MARCHF1: variants seen among roughly 807,000 people sequenced by gnomAD.
MARCHF1 encodes the protein membrane associated ring-CH-type finger 1, also known as E3 ubiquitin-protein ligase MARCHF1.
Under a neutral mutation model 54.2 loss-of-function variants are expected in MARCHF1, and 40 were observed. That is an observed-to-expected ratio of 0.74 (90% confidence interval 0.57 to 0.96). The LOEUF is 0.96. Among genes scored for constraint, MARCHF1 ranks in the 40% least tolerant of loss-of-function variants. MARCHF1 has a pLI of 0.00. For missense variants in MARCHF1, 586 were observed against 656.5 expected (o/e 0.89, Z 1.17); for synonymous variants, 236 against 236.3 (o/e 1.00, Z 0.01).
chr4:163,671,860 C>A (rs947505435), intron 5 of MARCHF1, among the ~76,000 whole-genome samples: 2 of 151,900 alleles, frequency 1.3e-5, no homozygotes, highest in East Asian at 3.9e-4. Flanking sequence ...TAAAAGAGAA[C>A]AGGAAGTATG....
intron 5 of MARCHF1, among the ~76,000 whole-genome samples, chr4:163,684,975 C>T (rs903568320): frequency 6.6e-6 from 1 of 152,198 alleles, no homozygotes; most frequent in African/African-American, 2.4e-5. Context: ...AAGTACACCT[C>T]ATTCCTAAAT....
chr4:164,342,724 T>C (rs1156368236), intron 1 of MARCHF1, among the ~76,000 whole-genome samples: 1 of 152,002 alleles, frequency 6.6e-6, no homozygotes, highest in Admixed American at 6.6e-5. Flanking sequence ...AAAGTGTCTA[T>C]TGATGAATGG....
intron 1 of MARCHF1, among the ~76,000 whole-genome samples, chr4:164,128,295 C>T (rs1414307574): frequency 6.6e-6 from 1 of 151,944 alleles, no homozygotes; most frequent in Admixed American, 6.6e-5. Flanking sequence ...ACATAATCAC[C>T]TGTATATTTA....
intron 1 of MARCHF1, among the ~76,000 whole-genome samples, chr4:164,200,018 T>C (rs1731411094): frequency 6.6e-6 from 1 of 152,214 alleles, no homozygotes; most frequent in Non-Finnish European, 1.5e-5. Context: ...CAATCTTTAG[T>C]TGCCTTTGGT....
At chr4:163,568,115 C>T (rs549864611) in intron 8 of MARCHF1, among the ~76,000 whole-genome samples, 3 of 152,180 alleles carry the variant, frequency 2.0e-5, no homozygotes, top group African/African-American at 7.2e-5. Flanking sequence ...CCATTTCTCC[C>T]TCGCATTTCC....
chr4:164,041,328 T>C lies in MARCHF1; in HGVS notation c.-247-52619A>G, dbSNP rs375224526. ...AAATATCCCCCTCTTTCAACCACCA[T>C]AGCATTATATCTAGACTTTTTATTA... On this transcript the variant is annotated intron_variant, in intron 2 of 9. Transcript: ENST00000514618. Among the ~76,000 whole-genome samples the C allele has an allele frequency of 5.9e-5, 9 of 152,268 alleles. No individual in the cohort carries two copies. In the East Asian group the frequency reaches 1.5e-3, roughly 26 times the overall value.
rs140567238 is a variant in MARCHF1, at chr4:163,995,102, T to C, written c.-247-6393A>G. On this transcript the variant is annotated intron_variant, in intron 2 of 9. Coordinates refer to ENST00000514618, the MANE Select transcript of MARCHF1 (RefSeq NM_001394959.1). ...TTCAGGGCTCAGTCTCACCAGACTG[T>C]CCCCCAACCTTCAGACACCAGTCAC... Among the ~76,000 whole-genome samples, 479 of 152,048 alleles carry C rather than the reference T, an allele frequency of 3.2e-3. 3 individuals carry two copies. Among genetic ancestry groups the C allele is most frequent in the African/African-American group, 0.011 (461 of 41,482 alleles).
intron 3 of MARCHF1, among the ~76,000 whole-genome samples, chr4:163,945,237 A>AT (rs955814062): frequency 9.3e-5 from 14 of 151,218 alleles, no homozygotes; most frequent in South Asian, 2.1e-4. Flanking sequence ...CAGACATGGT[A>AT]TTTTTTTTTC....
chr4:163,798,743 G>T (rs950014310), intron 4 of MARCHF1, among the ~76,000 whole-genome samples: 1 of 152,038 alleles, frequency 6.6e-6, no homozygotes, highest in African/African-American at 2.4e-5. Context: ...CAAAGAAAAA[G>T]AGTGACAGCA....
intron 4 of MARCHF1, among the ~76,000 whole-genome samples, chr4:163,790,951 C>G (rs1301071849): frequency 6.6e-6 from 1 of 152,088 alleles, no homozygotes; most frequent in African/African-American, 2.4e-5. Flanking sequence ...CAATAACGCA[C>G]TTACCATGTT....
rs137898140 is a variant in MARCHF1, at chr4:164,139,401, A to G, written c.-322-27739T>C. Among the ~76,000 whole-genome samples the G allele has an allele frequency of 7.9e-4, 121 of 152,290 alleles. 1 individual carries two copies. In the East Asian group the frequency reaches 0.013, roughly 16 times the overall value. The stretch of plus-strand genomic sequence containing the variant: ...CCTTTTCATGTAAGAAATGTTGACA[A>G]TCTAACAGCTAGTGACTTCCTGTAT... On this transcript the variant is annotated intron_variant, in intron 1 of 9. Coordinates refer to ENST00000514618, the MANE Select transcript of MARCHF1 (RefSeq NM_001394959.1).
chr4:163,979,169 C>T lies in MARCHF1; in HGVS notation c.-39+9332G>A, dbSNP rs1166035058. On this transcript the variant is annotated intron_variant, in intron 3 of 9. Coordinates refer to ENST00000514618, the MANE Select transcript of MARCHF1 (RefSeq NM_001394959.1). ...TATATCTCCCAATGCTATCCCCCCC[C>T]CTCCCCCCACCCCACCACAGTCCCC... 1.0e-4 allele frequency among the ~76,000 whole-genome samples: 6 copies of T among 59,404 alleles called. 1 individual carries two copies. Among genetic ancestry groups the T allele is most frequent in the Non-Finnish European group, 1.6e-4 (5 of 30,778 alleles). 39.0% of individuals were successfully genotyped at this position (59,404 alleles called of 152,430 possible).
At position 163,955,225 on chromosome 4, in the gene MARCHF1, A is replaced by G. The variant is rs566718080; in HGVS notation, c.-39+33276T>C. On this transcript the variant is annotated intron_variant, in intron 3 of 9. Coordinates refer to ENST00000514618, the MANE Select transcript of MARCHF1 (RefSeq NM_001394959.1). ...CTTACTGAACATTAAAAAAAAAAAA[A>G]AAAAGAAAAGAAACACAGTGTTCTG... Among the ~76,000 whole-genome samples, 43 of 151,288 alleles carry G rather than the reference A, an allele frequency of 2.8e-4. 1 individual carries two copies. The South Asian group carries it at 3.3e-3, about 12-fold the overall frequency.
intron 7 of MARCHF1, among the ~76,000 whole-genome samples, chr4:163,597,940 T>C (rs1379153759): frequency 6.6e-6 from 1 of 152,210 alleles, no homozygotes; most frequent in Non-Finnish European, 1.5e-5. Context: ...TATATCCCAA[T>C]ACACTTAGTC....
chr4:163,730,218 T>A (rs1432396254), intron 4 of MARCHF1, among the ~76,000 whole-genome samples: 1 of 152,176 alleles, frequency 6.6e-6, no homozygotes, highest in Non-Finnish European at 1.5e-5. Context: ...GTACTTTTCA[T>A]CTACAGAATC....
chr4:163,857,470 G>A (rs1187857674), intron 3 of MARCHF1, among the ~76,000 whole-genome samples: 1 of 152,042 alleles, frequency 6.6e-6, no homozygotes, highest in African/African-American at 2.4e-5. Flanking sequence ...TAAAATGTAA[G>A]TATCATTAGT....
intron 4 of MARCHF1, among the ~76,000 whole-genome samples, chr4:163,780,602 G>C (rs1441385256): frequency 1.0e-5 from 1 of 95,666 alleles, no homozygotes; most frequent in African/African-American, 3.2e-5. Flanking sequence ...AACTTCCTTT[G>C]AAAGTGGGAA....
At chr4:164,262,107 G>GAAA (rs1184867700) in intron 1 of MARCHF1, among the ~76,000 whole-genome samples, 1 of 72,262 alleles carries the variant, frequency 1.4e-5, no homozygotes, top group African/African-American at 4.0e-5. Context: ...CCTATCTTAA[G>GAAA]AAAAAAAAAA....
intron 1 of MARCHF1, among the ~76,000 whole-genome samples, chr4:164,127,250 A>T (rs1197516155): frequency 6.6e-6 from 1 of 152,166 alleles, no homozygotes. Flanking sequence ...ATCTAAGCAA[A>T]GTTTTGAAGG....
Sources: gnomAD v4.1 joint callset for allele counts (sites outside exome capture counted in the v4.1 genomes callset) on GRCh38, gnomAD v4.1.1 for gene constraint, MANE v1.5 for transcripts, NCBI Gene and HGNC (gene_info 2026-07-23, HGNC 2026-07-21) for gene names.